CD36: variants seen among roughly 807,000 people sequenced by gnomAD.
CD36 encodes the protein platelet glycoprotein 4.
Under a neutral mutation model 55.2 loss-of-function variants are expected in CD36, and 119 were observed. The ratio of observed to expected loss-of-function variants is 2.15; its 90% CI spans 1.86 to 2.51. The LOEUF is 2.51. CD36 is among the 30% of genes most tolerant of loss of function. The pLI is 0.00. For synonymous variants in CD36, 186 were observed against 193.6 expected (o/e 0.96, Z 0.33); for missense variants, 819 against 555.5 (o/e 1.47, Z -4.77).
chr7:80,628,578 T>C (rs1793882826), intron 1 of CD36, among the ~76,000 whole-genome samples: 1 of 152,062 alleles, frequency 6.6e-6, no homozygotes, highest in Non-Finnish European at 1.5e-5. Context: ...ACTCATGAGC[T>C]AGAAGTTTGA....
At chr7:80,603,206 A>G (rs1375621233) in intron 1 of CD36, among the ~76,000 whole-genome samples, 1 of 152,132 alleles carries the variant, frequency 6.6e-6, no homozygotes, top group Non-Finnish European at 1.5e-5. Context: ...TAAGTTATGC[A>G]TATTTCGAGA....
Position 80,663,102 on chromosome 7 carries a change from G to T in CD36, c.542G>T (p.Gly181Val), listed in dbSNP as rs568503917. Residue 181 changes from glycine to valine, a missense_variant, in exon 6 of 15, where the codon GGC becomes GTC. Physicochemically the swap from Gly to Val is moderately radical, Grantham distance 109. Transcript: ENST00000447544. ...AGAACTTTGAGAGAACTGTTATGGGGCTATAGGGATCCATTTTTGAGTTTG... is the reference window on the plus strand; with the variant it reads ...AGAACTTTGAGAGAACTGTTATGGGTCTATAGGGATCCATTTTTGAGTTTG... Reference protein sequence around the residue: ...QVRTLRELLWGYRDPFLSLVP... With the variant: ...QVRTLRELLWVYRDPFLSLVP... The T allele has an allele frequency of 2.2e-5, 35 of 1,613,668 alleles. 1 individual carries two copies. The South Asian group carries it at 2.7e-4, about 13-fold the overall frequency.
In CD36 at chr7:80,679,191, G is replaced by A. The variant is rs563932914; in HGVS notation, c.*2808G>A. Reference sequence around the variant, plus strand: ...AATATTTGTATCAAATACATAAAAGGAATACTGCTTTTTCCTTTTGTGGCT... The same window carrying A: ...AATATTTGTATCAAATACATAAAAGAAATACTGCTTTTTCCTTTTGTGGCT... On this transcript the variant is annotated 3_prime_UTR_variant, in exon 15 of 15. Transcript: ENST00000447544. The A allele has an allele frequency of 1.3e-5, 2 of 152,170 alleles. No homozygotes were observed. Among genetic ancestry groups the A allele is most frequent in the South Asian group, 2.1e-4 (1 of 4,824 alleles). The allele number at this position is 152,170 out of a possible 1,614,324, so 9.4% of individuals were successfully genotyped here. A position where few individuals can be genotyped will look rare whatever the true frequency, so the allele number is the denominator to read the frequency against.
chr7:80,606,210 A>C (rs977596539), intron 1 of CD36, among the ~76,000 whole-genome samples: 5 of 152,180 alleles, frequency 3.3e-5, no homozygotes, highest in African/African-American at 1.2e-4. Flanking sequence ...TATGTTTAGC[A>C]CTTTTTCTAA....
chr7:80,673,443 A>G (rs1797929713), intron 13 of CD36, 34 bp downstream of exon 13: 2 of 1,263,062 alleles, frequency 1.6e-6, no homozygotes, highest in Admixed American at 3.4e-5. Context: ...ATTAAAAACA[A>G]CCTTCTTTGT....
At chr7:80,669,430 AGTTTT>A (rs1797430276) in intron 8 of CD36, among the ~76,000 whole-genome samples, 2 of 152,102 alleles carry the variant, frequency 1.3e-5, no homozygotes. Flanking sequence ...AGTTAAATAT[AGTTTT>A]GTTTTGTTTG....
At chr7:80,666,215 C>A in intron 7 of CD36, 1 of 475,252 alleles carries the variant, frequency 2.1e-6, no homozygotes, top group Non-Finnish European at 3.8e-6. Flanking sequence ...TAATTAACAC[C>A]TGGCAGTTTT....
chr7:80,664,852 T>TAA (rs11464530), intron 7 of CD36, among the ~76,000 whole-genome samples: 10,149 of 144,038 alleles, frequency 0.07, 1,105 homozygotes, highest in African/African-American at 0.23. Context: ...AATGAAAAGG[T>TAA]AAAAAAAAAA....
At chr7:80,667,496 A>C (rs1026436757) in intron 8 of CD36, among the ~76,000 whole-genome samples, 1 of 151,810 alleles carries the variant, frequency 6.6e-6, no homozygotes, top group African/African-American at 2.4e-5. Flanking sequence ...TCCAGAGGCA[A>C]GCTTTCAACT....
At chr7:80,664,852 T>TAAAAAA (rs11464530) in intron 7 of CD36, among the ~76,000 whole-genome samples, 1 of 144,168 alleles carries the variant, frequency 6.9e-6, no homozygotes, top group Non-Finnish European at 1.5e-5. Flanking sequence ...AATGAAAAGG[T>TAAAAAA]AAAAAAAAAA....
rs199530093 is a variant in CD36 at position 80,662,989 on chromosome 7, G to A, written c.430-1G>A. ...CTTAAACAGTGACTTTGTTTTTGTAGGCTGCATCCCATATCTATCAAAATC... is the reference window on the plus strand; with the variant it reads ...CTTAAACAGTGACTTTGTTTTTGTAAGCTGCATCCCATATCTATCAAAATC... On this transcript the variant is annotated splice_acceptor_variant, in intron 5 of 14. Coordinates refer to ENST00000447544, the MANE Select transcript of CD36 (RefSeq NM_001001548.3). LOFTEE classifies it high-confidence loss of function. 2 of 1,609,430 alleles carry A rather than the reference G, an allele frequency of 1.2e-6. No individual in the cohort carries two copies. The highest frequency in any genetic ancestry group is 1.7e-5 in the Admixed American group (1 of 59,974).
chr7:80,666,994 GTCT>G (rs1320069778), intron 8 of CD36, among the ~76,000 whole-genome samples: 2 of 152,160 alleles, frequency 1.3e-5, no homozygotes, highest in Admixed American at 1.3e-4. Flanking sequence ...AAAGTCAGAT[GTCT>G]TCTTAACTGT....
At chr7:80,621,127 C>CA (rs1478859282) in intron 1 of CD36, among the ~76,000 whole-genome samples, 6 of 152,038 alleles carry the variant, frequency 3.9e-5, no homozygotes, top group Non-Finnish European at 8.8e-5. Flanking sequence ...TCTCTACCAG[C>CA]AAAAAGATTA....
chr7:80,645,960 A>C (rs2116390852), intron 1 of CD36, 128 bp from the exon 2 acceptor site: 1 of 152,358 alleles, frequency 6.6e-6, no homozygotes, highest in Middle Eastern at 3.4e-3. Flanking sequence ...TCAGGCCTGA[A>C]CTCAGTATTC....
chr7:80,676,421 T>C lies in CD36; in HGVS notation c.*38T>C, dbSNP rs1291136070. On this transcript the variant is annotated 3_prime_UTR_variant, in exon 15 of 15. Transcript: ENST00000447544. ...CACAAACCAATTTGTGTTGTTCTGA[T>C]TCAATAATTGGTTTCTGGGTGGCCA... 6.6e-6 allele frequency: 1 copy of C among 152,194 alleles called. No individual in the cohort carries two copies. Among genetic ancestry groups the C allele is most frequent in the Non-Finnish European group, 1.5e-5 (1 of 68,038 alleles). The allele number at this position is 152,194 out of a possible 1,614,324, so 9.4% of individuals were successfully genotyped here. A position where few individuals can be genotyped will look rare whatever the true frequency, so the allele number is the denominator to read the frequency against.
At chr7:80,605,499 A>T (rs918846675) in intron 1 of CD36, among the ~76,000 whole-genome samples, 4 of 151,956 alleles carry the variant, frequency 2.6e-5, no homozygotes, top group Non-Finnish European at 5.9e-5. Flanking sequence ...GGGGAAAAAA[A>T]ATGGACCAAA....
At chr7:80,623,026 A>G (rs1469868047) in intron 1 of CD36, among the ~76,000 whole-genome samples, 2 of 147,372 alleles carry the variant, frequency 1.4e-5, no homozygotes. Context: ...TTTTTACTCT[A>G]TTATGTAAAA....
intron 1 of CD36, among the ~76,000 whole-genome samples, chr7:80,645,132 T>G (rs1334597838): frequency 2.0e-5 from 3 of 151,498 alleles, no homozygotes; most frequent in African/African-American, 7.3e-5. Flanking sequence ...GCGATTCTCC[T>G]GCCTCAGCCT....
At chr7:80,636,471 C>A (rs1794411074), upstream of CD36, among the ~76,000 whole-genome samples, 2 of 151,346 alleles carry the variant, frequency 1.3e-5, no homozygotes, top group South Asian at 4.2e-4. Flanking sequence ...ATAACTAGGG[C>A]CCGGTAGCCT....
Sources: gnomAD v4.1 joint callset for allele counts (sites outside exome capture counted in the v4.1 genomes callset) on GRCh38, gnomAD v4.1.1 for gene constraint, MANE v1.5 for transcripts, NCBI Gene and HGNC (gene_info 2026-07-23, HGNC 2026-07-21) for gene names.